Variants in ACO2 observed in about 807,000 individuals in gnomAD.
The protein encoded by ACO2 is aconitate hydratase, mitochondrial.
ACO2 carries 31 observed loss-of-function variants against 84.5 expected under a neutral mutation model. The ratio of observed to expected loss-of-function variants is 0.37; its 90% confidence interval spans 0.28 to 0.50. The LOEUF (loss-of-function observed/expected upper bound fraction) is 0.50, where lower values mean the gene tolerates loss of function less well. Among genes scored for constraint, ACO2 ranks in the 20% least tolerant of loss-of-function variants. The pLI is 0.97. For missense variants in ACO2, 685 were observed against 1,029.3 expected (o/e 0.67, Z 4.58); for synonymous variants, 414 against 412.7 (o/e 1.00, Z -0.04).
intron 9 of ACO2, 88 bp downstream of exon 9, chr22:41,520,364 T>C: frequency 9.7e-7 from 1 of 1,034,760 alleles, no homozygotes; most frequent in South Asian, 1.7e-5. Flanking sequence ...GCCTACTGTG[T>C]GGCACTTTCT....
intron 4 of ACO2, among the ~76,000 whole-genome samples, chr22:41,513,614 T>TC (rs3838162): frequency 0.77 from 116,711 of 152,140 alleles, 45,158 homozygotes; most frequent in African/African-American, 0.85. Flanking sequence ...CACATTATGT[T>TC]CCAGCATCTG....
chr22:41,527,199 C>T (rs542519040), intron 15 of ACO2, 89 bp from the exon 16 acceptor site: 10 of 1,597,582 alleles, frequency 6.3e-6, no homozygotes, highest in South Asian at 2.2e-5. Context: ...TGCCCAGGCG[C>T]CAGGTGGGTG....
chr22:41,496,071 G>A (rs2066311275), intron 1 of ACO2, among the ~76,000 whole-genome samples: 1 of 151,860 alleles, frequency 6.6e-6, no homozygotes, highest in African/African-American at 2.4e-5. Flanking sequence ...CAGCACTCTG[G>A]GAGGCCAAGG....
rs768151174 is a variant in ACO2 at position 41,528,509 on chromosome 22, G to A, written c.2239G>A (p.Gly747Arg). 5 of 1,612,556 alleles carry A rather than the reference G, an allele frequency of 3.1e-6. No individual in the cohort carries two copies. Among genetic ancestry groups the A allele is most frequent in the East Asian group, 2.2e-5 (1 of 44,858 alleles). Residue 747 changes from glycine (G) to arginine (R), a missense_variant, in exon 18 of 18, where the codon GGG becomes AGG. Coordinates refer to ENST00000216254, the MANE Select transcript of ACO2 (RefSeq NM_001098.3). ...PLKCIIKHPNGTQETILLNHT... is the reference protein window; with the variant it reads ...PLKCIIKHPNRTQETILLNHT... ...GAAGTGCATCATCAAGCACCCCAACGGGACCCAGGAGACCATCCTCCTGAA... is the reference window on the plus strand; with the variant it reads ...GAAGTGCATCATCAAGCACCCCAACAGGACCCAGGAGACCATCCTCCTGAA...
chr22:41,515,891 C>G lies in ACO2; in HGVS notation c.809C>G (p.Pro270Arg), dbSNP rs17852363. 6.2e-7 allele frequency: 1 copy of G among 1,614,152 alleles called. No individual in the cohort carries two copies. ...GGTGCAATCGTGGAATACCACGGGCCTGGTGTAGACTCCATCTCCTGCACT... is the reference window on the plus strand; with the variant it reads ...GGTGCAATCGTGGAATACCACGGGCGTGGTGTAGACTCCATCTCCTGCACT... ...GTGAIVEYHG[P>R]GVDSISCTGM... is the part of the protein sequence containing the mutation. The change falls in exon 6 of 18, where the codon CCT becomes CGT. Residue 270 changes from proline to arginine, a missense_variant. By Grantham distance (103) the Pro-to-Arg change is moderately radical. Coordinates refer to ENST00000216254, the MANE Select transcript of ACO2 (RefSeq NM_001098.3). This position sits in a 1 kb window ranked among gnomAD's most constrained non-coding sequence, Gnocchi z 5.8.
intron 1 of ACO2, among the ~76,000 whole-genome samples, chr22:41,496,126 A>G (rs1171524938): frequency 6.6e-6 from 1 of 151,688 alleles, no homozygotes; most frequent in Non-Finnish European, 1.5e-5. Flanking sequence ...AGCCTGGGCA[A>G]CGTGGTGAAA....
At chr22:41,512,492 C>T (rs929745160) in intron 4 of ACO2, among the ~76,000 whole-genome samples, 2 of 152,186 alleles carry the variant, frequency 1.3e-5, no homozygotes, top group South Asian at 2.1e-4. Context: ...TGCCCAGGGA[C>T]ACCTAGCTGG....
intron 1 of ACO2, among the ~76,000 whole-genome samples, chr22:41,471,244 TG>T (rs1407156510): frequency 6.6e-6 from 1 of 152,224 alleles, no homozygotes; most frequent in Non-Finnish European, 1.5e-5. Context: ...CTTGAGAGCC[TG>T]GGTGACTTCC....
intron 1 of ACO2, among the ~76,000 whole-genome samples, chr22:41,472,608 GTTTTA>G (rs1455334813): frequency 1.3e-5 from 2 of 151,992 alleles, no homozygotes; most frequent in Non-Finnish European, 1.5e-5. Flanking sequence ...CGTGGGTTTT[GTTTTA>G]TTTTGTTTTG....
chr22:41,513,435 A>G (rs2066451560), intron 4 of ACO2, among the ~76,000 whole-genome samples: 2 of 152,284 alleles, frequency 1.3e-5, no homozygotes, highest in East Asian at 1.9e-4. Flanking sequence ...GCCTCAGTCC[A>G]TTAGGTCCAA....
intron 1 of ACO2, among the ~76,000 whole-genome samples, chr22:41,497,499 G>C (rs2066323062): frequency 6.6e-6 from 1 of 152,122 alleles, no homozygotes; most frequent in East Asian, 1.9e-4. Flanking sequence ...TCTCTGCTTT[G>C]GGAGGCTGAG....
At chr22:41,525,539 G>T (rs1286270087) in intron 14 of ACO2, among the ~76,000 whole-genome samples, 191 bp downstream of exon 14, 1 of 152,218 alleles carries the variant, frequency 6.6e-6, no homozygotes, top group African/African-American at 2.4e-5. Context: ...CTGTGGCCCC[G>T]AACTGGGCAG....
chr22:41,480,315 G>A (rs914442951), intron 1 of ACO2, among the ~76,000 whole-genome samples: 3 of 152,212 alleles, frequency 2.0e-5, no homozygotes, highest in South Asian at 4.1e-4. Context: ...ATGGGCTGCC[G>A]TGTAATGTAT....
At chr22:41,528,081 T>G (rs1416821063) in intron 17 of ACO2, 59 bp downstream of exon 17, 83 of 1,609,966 alleles carry the variant, frequency 5.2e-5, no homozygotes, top group Non-Finnish European at 6.8e-5. Flanking sequence ...TTGTTTCCCC[T>G]CCTGCACTGG....
chr22:41,519,530 G>A (rs1569019381), intron 8 of ACO2, among the ~76,000 whole-genome samples: 2 of 152,192 alleles, frequency 1.3e-5, no homozygotes, highest in Non-Finnish European at 2.9e-5. Flanking sequence ...AAGCGGCCGG[G>A]CATGGTGGCT....
intron 1 of ACO2, among the ~76,000 whole-genome samples, chr22:41,490,272 G>T (rs1199583445): frequency 6.6e-6 from 1 of 152,146 alleles, no homozygotes; most frequent in Non-Finnish European, 1.5e-5. Context: ...GTTGCAGCCA[G>T]CCGAGACTGC....
At chr22:41,514,216 C>A (rs1004994783) in intron 4 of ACO2, among the ~76,000 whole-genome samples, 1 of 152,122 alleles carries the variant, frequency 6.6e-6, no homozygotes, top group African/African-American at 2.4e-5. Flanking sequence ...ACTGGTGGGT[C>A]CTGAGAGTTC....
chr22:41,473,770 G>A (rs1301163971), intron 1 of ACO2, among the ~76,000 whole-genome samples: 4 of 152,180 alleles, frequency 2.6e-5, no homozygotes, highest in East Asian at 1.9e-4. Context: ...TGATACGAAC[G>A]CAGCTGTTTA....
At chr22:41,475,105 G>A (rs2146077619) in intron 1 of ACO2, among the ~76,000 whole-genome samples, 1 of 147,398 alleles carries the variant, frequency 6.8e-6, no homozygotes, top group Non-Finnish European at 1.5e-5. Context: ...AACCTGGTGT[G>A]TGTCCAAGAG....
Sources: gnomAD v4.1 joint callset for allele counts (sites outside exome capture counted in the v4.1 genomes callset) on GRCh38, gnomAD v4.1.1 for gene constraint, Gnocchi (gnomAD v3.1) non-coding constraint, MANE v1.5 for transcripts, NCBI Gene and HGNC (gene_info 2026-07-23, HGNC 2026-07-21) for gene names.